ZNF322: variants seen among roughly 807,000 people sequenced by gnomAD.
ZNF322 encodes HLA complex group 12.
ZNF322 carries 1 observed loss-of-function variant against 18.3 expected under a neutral mutation model. The ratio of observed to expected loss-of-function variants is 0.05; its 90% confidence interval spans 0.02 to 0.26. The LOEUF (loss-of-function observed/expected upper bound fraction) is 0.26. Ranked by LOEUF, ZNF322 falls within the 10% of genes least tolerant of loss-of-function variation. The probability of loss-of-function intolerance (pLI) is 1.00; values close to 1 mark genes in which losing one functional copy is unlikely to be tolerated. For synonymous variants in ZNF322, 17 were observed against 130.7 expected, an observed-to-expected ratio of 0.13 and a Z score of 5.93; for missense variants, 36 against 403.6, an observed-to-expected ratio of 0.09 and a Z score of 7.80.
chr6:26,646,237 G>A (rs1170057619), intron 2 of ZNF322, among the ~76,000 whole-genome samples: 1 of 151,966 alleles, frequency 6.6e-6, no homozygotes, highest in South Asian at 2.1e-4. Context: ...AAATATAAAT[G>A]AGCTTAACAC....
At chr6:26,646,954 A>G (rs1252618152) in intron 2 of ZNF322, among the ~76,000 whole-genome samples, 1 of 152,218 alleles carries the variant, frequency 6.6e-6, no homozygotes, top group East Asian at 1.9e-4. Context: ...AATTGAAAAT[A>G]TTATATATTA....
At chr6:26,650,013 A>G (rs1298803866) in intron 2 of ZNF322, among the ~76,000 whole-genome samples, 1 of 151,928 alleles carries the variant, frequency 6.6e-6, no homozygotes, top group Non-Finnish European at 1.5e-5. Context: ...AAAACATTTT[A>G]TATATATAAA....
intron 2 of ZNF322, among the ~76,000 whole-genome samples, chr6:26,645,010 T>C (rs1052214944): frequency 6.6e-6 from 1 of 152,164 alleles, no homozygotes; most frequent in East Asian, 1.9e-4. Context: ...TTCCCCTCCC[T>C]GTGTCTAACT....
intron 2 of ZNF322, chr6:26,650,445 C>A (rs1765647597): frequency 6.6e-6 from 1 of 151,860 alleles, no homozygotes. Flanking sequence ...AGAGATAATG[C>A]TACAAGACAA....
chr6:26,646,032 AAAAT>A (rs58017104), intron 2 of ZNF322, among the ~76,000 whole-genome samples: 5,398 of 147,796 alleles, frequency 0.037, 159 homozygotes, highest in African/African-American at 0.084. Flanking sequence ...ACTCCGCCTC[AAAAT>A]AAATAAATAA....
At chr6:26,659,088 G>T (rs895428853) in intron 1 of ZNF322, among the ~76,000 whole-genome samples, 6 of 152,158 alleles carry the variant, frequency 3.9e-5, no homozygotes, top group Non-Finnish European at 8.8e-5. Context: ...GTTATAGGAA[G>T]ATTAAACAAA....
Position 26,636,519 on chromosome 6 carries a change from AG to A in ZNF322, c.*825del, listed in dbSNP as rs1765355378. 1 of 152,044 alleles carries A rather than the reference AG, an allele frequency of 6.6e-6. No homozygotes were observed. Among genetic ancestry groups the A allele is most frequent in the African/African-American group, 2.4e-5 (1 of 41,386 alleles). 9.4% of individuals were successfully genotyped at this position (152,044 alleles called of 1,614,324 possible). ...CTACCATATGAGTCAACTAACTATG[AG>A]AACAGTCTTCTCATACATATTATAT... On this transcript the variant is annotated 3_prime_UTR_variant, in exon 4 of 4. Coordinates refer to ENST00000415922, the MANE Select transcript of ZNF322 (RefSeq NM_024639.5).
chr6:26,640,730 A>G (rs1765452818), intron 3 of ZNF322, among the ~76,000 whole-genome samples: 1 of 152,206 alleles, frequency 6.6e-6, no homozygotes, highest in African/African-American at 2.4e-5. Flanking sequence ...TGCCTGGCAC[A>G]GAGTAGGCAC....
intron 3 of ZNF322, among the ~76,000 whole-genome samples, chr6:26,639,452 A>T (rs1554148108): frequency 6.6e-6 from 1 of 152,214 alleles, no homozygotes; most frequent in Non-Finnish European, 1.5e-5. Flanking sequence ...CATAGATTTT[A>T]TAACAGGCTT....
chr6:26,653,554 A>C (rs1554149432), intron 2 of ZNF322, among the ~76,000 whole-genome samples: 1 of 152,250 alleles, frequency 6.6e-6, no homozygotes, highest in African/African-American at 2.4e-5. Flanking sequence ...AGAATGAGGA[A>C]AATCTTTATC....
At chr6:26,649,602 CTTTT>C (rs35159226) in intron 2 of ZNF322, among the ~76,000 whole-genome samples, 8 of 135,174 alleles carry the variant, frequency 5.9e-5, no homozygotes, top group Non-Finnish European at 6.3e-5. Context: ...AAAATAAAAA[CTTTT>C]TTTAAAGTTT....
At chr6:26,651,469 T>C (rs1461732018) in intron 2 of ZNF322, 1 of 152,126 alleles carries the variant, frequency 6.6e-6, no homozygotes, top group East Asian at 1.9e-4. Context: ...GGTCAAAGGA[T>C]ACAAAATTTC....
intron 2 of ZNF322, among the ~76,000 whole-genome samples, chr6:26,649,937 A>C (rs1554149039): frequency 6.6e-6 from 1 of 151,470 alleles, no homozygotes; most frequent in Non-Finnish European, 1.5e-5. Flanking sequence ...TCCCGACCTC[A>C]GGTGATCTGC....
intron 1 of ZNF322, 59 bp downstream of exon 1, chr6:26,659,382 T>C (rs1554149958): frequency 6.0e-6 from 1 of 165,504 alleles, no homozygotes; most frequent in Non-Finnish European, 1.5e-5. Context: ...ACTGTGGCCG[T>C]GGGTCTTGGG....
chr6:26,654,753 T>C (rs1169286125), intron 2 of ZNF322, among the ~76,000 whole-genome samples: 1 of 151,726 alleles, frequency 6.6e-6, no homozygotes, highest in Non-Finnish European at 1.5e-5. Flanking sequence ...AAAAGAAGAG[T>C]ACTGTGCAAA....
intron 2 of ZNF322, among the ~76,000 whole-genome samples, chr6:26,649,637 ATGTGTG>A (rs58521273): frequency 0.066 from 4,452 of 67,426 alleles, 279 homozygotes; most frequent in Non-Finnish European, 0.088. Context: ...ATACATACAT[ATGTGTG>A]TGTGTGTGTG....
chr6:26,654,732 G>A (rs917494975), intron 2 of ZNF322, among the ~76,000 whole-genome samples: 2 of 151,842 alleles, frequency 1.3e-5, no homozygotes, highest in African/African-American at 4.8e-5. Context: ...AAAATTTCAC[G>A]ATGTTCAATC....
intron 2 of ZNF322, among the ~76,000 whole-genome samples, chr6:26,645,458 C>G (rs183402763): frequency 5.5e-4 from 83 of 151,896 alleles, no homozygotes; most frequent in African/African-American, 1.8e-3. Flanking sequence ...AACTTTATCA[C>G]AGTAAGTATG....
At chr6:26,654,188 C>G (rs1765724060) in intron 2 of ZNF322, among the ~76,000 whole-genome samples, 1 of 152,066 alleles carries the variant, frequency 6.6e-6, no homozygotes, top group East Asian at 1.9e-4. Flanking sequence ...AGAATGAACT[C>G]TGTAGTGTTT....
Sources: gnomAD v4.1 joint callset for allele counts (sites outside exome capture counted in the v4.1 genomes callset) on GRCh38, gnomAD v4.1.1 for gene constraint, MANE v1.5 for transcripts, NCBI Gene and HGNC (gene_info 2026-07-23, HGNC 2026-07-21) for gene names.